Variants in PRKCE observed in about 807,000 individuals in gnomAD.
PRKCE encodes the protein protein kinase C epsilon, also known as protein kinase C epsilon type.
In PRKCE, 16 loss-of-function variants were observed where a neutral mutation model predicts 85.4. The ratio of observed to expected loss-of-function variants is 0.19; its 90% CI spans 0.13 to 0.28. The LOEUF (loss-of-function observed/expected upper bound fraction) is 0.28, where lower values mean the gene tolerates loss of function less well. Ranked by LOEUF, PRKCE falls within the 10% of genes least tolerant of loss-of-function variation. PRKCE has a pLI of 1.00. For synonymous variants in PRKCE, 388 were observed against 371.5 expected, an observed-to-expected ratio of 1.04 and a Z score of -0.51; for missense variants, 573 against 975.2, an observed-to-expected ratio of 0.59 and a Z score of 5.49.
chr2:46,059,671 A>G (rs1666923565), intron 10 of PRKCE, among the ~76,000 whole-genome samples: 1 of 152,094 alleles, frequency 6.6e-6, no homozygotes, highest in Admixed American at 6.5e-5. Context: ...CAAAACCCAG[A>G]AGCCAGATGC....
At chr2:45,715,103 G>A (rs763577088) in intron 1 of PRKCE, among the ~76,000 whole-genome samples, 5 of 152,248 alleles carry the variant, frequency 3.3e-5, no homozygotes, top group Non-Finnish European at 7.3e-5. Flanking sequence ...GCAACTCGGA[G>A]CTGTGGGTTG....
rs562990986 is a variant in PRKCE at position 46,079,282 on chromosome 2, G to T, written c.1438-6926G>T. ...ATGAGCGATGATTATTCTCTAGGGG[G>T]TGCTAAGATACAATCCAGATGCATA... On this transcript the variant is annotated intron_variant, in intron 10 of 14. Transcript: ENST00000306156. Among the ~76,000 whole-genome samples the T allele has an allele frequency of 5.3e-5, 8 of 152,222 alleles. No homozygotes were observed. The South Asian group carries it at 6.2e-4, about 12-fold the overall frequency.
chr2:46,034,093 C>G (rs1707708753), intron 10 of PRKCE, among the ~76,000 whole-genome samples: 1 of 152,200 alleles, frequency 6.6e-6, no homozygotes, highest in South Asian at 2.1e-4. Flanking sequence ...GATGACAACA[C>G]TCTAGGCTTT....
chr2:45,959,762 A>C (rs2104410644), intron 2 of PRKCE, among the ~76,000 whole-genome samples: 1 of 152,292 alleles, frequency 6.6e-6, no homozygotes, highest in Non-Finnish European at 1.5e-5. Context: ...TTACCTTTCA[A>C]AATTCTGCAT....
intron 10 of PRKCE, among the ~76,000 whole-genome samples, chr2:46,079,531 G>A (rs776864025): frequency 6.6e-6 from 1 of 152,212 alleles, no homozygotes. Context: ...GGGAGAAGAT[G>A]TTTCAGAGTG....
At chr2:45,667,833 A>G (rs1303729809) in intron 1 of PRKCE, among the ~76,000 whole-genome samples, 1 of 151,828 alleles carries the variant, frequency 6.6e-6, no homozygotes, top group African/African-American at 2.4e-5. Context: ...CACAACCACC[A>G]GATATGGAAC....
intron 2 of PRKCE, among the ~76,000 whole-genome samples, chr2:45,871,447 A>G (rs565472301): frequency 1.3e-5 from 2 of 152,230 alleles, no homozygotes; most frequent in South Asian, 4.1e-4. Flanking sequence ...GAAGGGGGCT[A>G]TAAATAGTTG....
intron 2 of PRKCE, among the ~76,000 whole-genome samples, chr2:45,897,006 A>G (rs2103669045): frequency 6.6e-6 from 1 of 152,314 alleles, no homozygotes; most frequent in African/African-American, 2.4e-5. Context: ...TGAGCCCATG[A>G]GTTTGAGGCT....
intron 6 of PRKCE, among the ~76,000 whole-genome samples, chr2:45,993,860 G>C (rs1427188725): frequency 1.3e-5 from 2 of 152,124 alleles, no homozygotes; most frequent in Non-Finnish European, 2.9e-5. Context: ...AACTCCATTA[G>C]TCAAGTCGGT....
At chr2:45,949,118 C>T (rs753300914) in intron 2 of PRKCE, among the ~76,000 whole-genome samples, 9 of 152,186 alleles carry the variant, frequency 5.9e-5, no homozygotes, top group Non-Finnish European at 1.2e-4. Flanking sequence ...AAGATATATA[C>T]ATGTATACTG....
chr2:46,155,127 T>TC lies in PRKCE; in HGVS notation c.1920+3903dup, dbSNP rs1268162142. On this transcript the variant is annotated intron_variant, in intron 13 of 14. Coordinates refer to ENST00000306156, the MANE Select transcript of PRKCE (RefSeq NM_005400.3). This position sits in a 1 kb window ranked among gnomAD's most constrained non-coding sequence, Gnocchi z 4.7. Reference sequence around the variant, plus strand: ...CAGGGTAAACGGAGACCCCTCATGATCCCCCAGCAGCAACGAGGACTTCAC... The same window carrying TC: ...CAGGGTAAACGGAGACCCCTCATGATCCCCCCAGCAGCAACGAGGACTTCAC... Among the ~76,000 whole-genome samples, 1 of 152,080 alleles carries TC rather than the reference T, an allele frequency of 6.6e-6. No homozygotes were observed. Among genetic ancestry groups the TC allele is most frequent in the Non-Finnish European group, 1.5e-5 (1 of 68,008 alleles).
At chr2:45,797,168 C>T (rs965264453) in intron 1 of PRKCE, among the ~76,000 whole-genome samples, 1 of 152,164 alleles carries the variant, frequency 6.6e-6, no homozygotes, top group African/African-American at 2.4e-5. Context: ...GTATCATTAG[C>T]TTGTTGTCCA....
In PRKCE at chr2:46,086,370, C is replaced by T. The variant is rs748017980; in HGVS notation, c.1592+8C>T. On this transcript the variant is annotated splice_region_variant and intron_variant, in intron 11 of 14. Coordinates refer to ENST00000306156, the MANE Select transcript of PRKCE (RefSeq NM_005400.3). Reference sequence around the variant, plus strand: ...GCATGGAGTCATCTACAGGTAGCCTCTTCTCTCCTCCTCTTTCCTGAAAGT... The same window carrying T: ...GCATGGAGTCATCTACAGGTAGCCTTTTCTCTCCTCCTCTTTCCTGAAAGT... The T allele has an allele frequency of 1.9e-6, 3 of 1,595,604 alleles. No individual in the cohort carries two copies. Among genetic ancestry groups the T allele is most frequent in the Non-Finnish European group, 2.5e-6 (3 of 1,177,226 alleles).
chr2:45,790,814 A>C (rs985857758), intron 1 of PRKCE, among the ~76,000 whole-genome samples: 5 of 152,236 alleles, frequency 3.3e-5, no homozygotes, highest in Admixed American at 6.5e-5. Context: ...GGAAGTTTTC[A>C]AGGCTGTTGA....
At chr2:45,677,874 A>T in intron 1 of PRKCE, 3 of 985,486 alleles carry the variant, frequency 3.0e-6, no homozygotes, top group African/African-American at 1.7e-5. Context: ...GACGATGGAA[A>T]GGCCAGGACA....
At chr2:45,710,554 A>C (rs1278455673) in intron 1 of PRKCE, among the ~76,000 whole-genome samples, 1 of 152,188 alleles carries the variant, frequency 6.6e-6, no homozygotes, top group Non-Finnish European at 1.5e-5. Context: ...TCTCTTTGTG[A>C]AGCCTGTCCA....
chr2:45,774,705 C>A lies in PRKCE; in HGVS notation c.349-68295C>A, dbSNP rs767349604. Among the ~76,000 whole-genome samples, 1 of 152,118 alleles carries A rather than the reference C, an allele frequency of 6.6e-6. No homozygotes were observed. Among genetic ancestry groups the A allele is most frequent in the Non-Finnish European group, 1.5e-5 (1 of 68,024 alleles). ...GAGACTACCTGATTTCCCACCTTGCCTTCTGATAGATGAATCAAGCCGGGA... is the reference window on the plus strand; with the variant it reads ...GAGACTACCTGATTTCCCACCTTGCATTCTGATAGATGAATCAAGCCGGGA... On this transcript the variant is annotated intron_variant, in intron 1 of 14. Transcript: ENST00000306156. This position sits in a 1 kb window ranked among gnomAD's most constrained non-coding sequence, Gnocchi z 4.3.
intron 2 of PRKCE, among the ~76,000 whole-genome samples, chr2:45,947,605 A>G (rs1051172922): frequency 5.9e-5 from 9 of 152,258 alleles, no homozygotes; most frequent in Admixed American, 5.9e-4. Context: ...GCATATCATC[A>G]TCTGATCTTT....
At chr2:46,110,065 A>G (rs997921666) in intron 11 of PRKCE, among the ~76,000 whole-genome samples, 2 of 152,128 alleles carry the variant, frequency 1.3e-5, no homozygotes, top group Non-Finnish European at 2.9e-5. Context: ...TGTGGTATAT[A>G]ATTCTTTTTA....
Sources: allele counts gnomAD v4.1 joint callset (sites outside exome capture counted in the v4.1 genomes callset), GRCh38; gene constraint gnomAD v4.1.1; non-coding constraint Gnocchi (gnomAD v3.1); transcripts MANE v1.5; gene names NCBI Gene and HGNC (gene_info 2026-07-23, HGNC 2026-07-21).